The following CTNND2 variants were observed in gnomAD, a reference collection of about 807,000 sequenced individuals.
CTNND2 encodes the protein catenin delta-2.
CTNND2 carries 22 observed loss-of-function variants against 144.4 expected under a neutral mutation model. The observed-to-expected ratio is 0.15, with a 90% CI of 0.11 to 0.22. CTNND2 has a LOEUF of 0.22. Among genes scored for constraint, CTNND2 ranks in the 10% least tolerant of loss-of-function variants. The pLI is 1.00. For synonymous variants in CTNND2, 751 were observed against 695.6 expected, an observed-to-expected ratio of 1.08 and a Z score of -1.25; for missense variants, 1,353 against 1,618.8, an observed-to-expected ratio of 0.84 and a Z score of 2.82.
At chr5:11,760,448 A>C (rs2126803989) in intron 1 of CTNND2, among the ~76,000 whole-genome samples, 1 of 152,312 alleles carries the variant, frequency 6.6e-6, no homozygotes, top group South Asian at 2.1e-4. Flanking sequence ...AACATATGTA[A>C]GACAATGAGA....
intron 2 of CTNND2, among the ~76,000 whole-genome samples, chr5:11,619,255 A>G (rs1445878157): frequency 1.3e-5 from 2 of 152,086 alleles, no homozygotes; most frequent in African/African-American, 2.4e-5. Context: ...TAAAAATACA[A>G]AAAGTAGCCA....
intron 16 of CTNND2, among the ~76,000 whole-genome samples, chr5:11,057,877 G>A (rs1048827320): frequency 6.6e-6 from 1 of 152,192 alleles, no homozygotes; most frequent in Non-Finnish European, 1.5e-5. Context: ...TTGGGAACTA[G>A]AGCAAAGGTA....
intron 9 of CTNND2, among the ~76,000 whole-genome samples, chr5:11,268,117 C>T (rs1013909302): frequency 2.6e-5 from 4 of 152,230 alleles, no homozygotes; most frequent in Admixed American, 6.5e-5. Flanking sequence ...TAGACACCAG[C>T]ATCATTTCTG....
intron 1 of CTNND2, among the ~76,000 whole-genome samples, chr5:11,860,304 G>T (rs1795443061): frequency 6.6e-6 from 1 of 152,160 alleles, no homozygotes; most frequent in Admixed American, 6.5e-5. Flanking sequence ...AATCACATTT[G>T]CTGGACAACT....
intron 2 of CTNND2, among the ~76,000 whole-genome samples, chr5:11,589,728 G>A (rs947257822): frequency 1.2e-4 from 19 of 152,006 alleles, no homozygotes; most frequent in Admixed American, 3.9e-4. Context: ...ACATAAATTC[G>A]GCAAAGTATT....
chr5:11,389,823 A>G (rs1361531744), intron 6 of CTNND2, among the ~76,000 whole-genome samples: 1 of 147,872 alleles, frequency 6.8e-6, no homozygotes, highest in Admixed American at 6.9e-5. Flanking sequence ...AGAAAATTCT[A>G]CACCTGACAC....
chr5:11,104,303 T>C (rs1752201081), intron 14 of CTNND2, among the ~76,000 whole-genome samples: 2 of 152,200 alleles, frequency 1.3e-5, no homozygotes, highest in African/African-American at 4.8e-5. Context: ...TCCCACTCTT[T>C]CCTCTCAGGG....
intron 2 of CTNND2, among the ~76,000 whole-genome samples, chr5:11,625,413 C>CTCTCTCTCTCTCTT (rs1347369328): frequency 6.6e-5 from 10 of 151,916 alleles, no homozygotes; most frequent in African/African-American, 2.4e-4. Flanking sequence ...CTCTCTCTCT[C>CTCTCTCTCTCTCTT]TCTCTCTCTC....
chr5:11,537,150 T>C (rs1437751544), intron 3 of CTNND2, among the ~76,000 whole-genome samples: 1 of 151,976 alleles, frequency 6.6e-6, no homozygotes, highest in East Asian at 2.0e-4. Context: ...CAGAAGATAC[T>C]ATTGACTCTT....
intron 9 of CTNND2, among the ~76,000 whole-genome samples, chr5:11,244,020 T>G (rs923012661): frequency 1.3e-5 from 2 of 152,218 alleles, no homozygotes; most frequent in African/African-American, 4.8e-5. Flanking sequence ...TTTTAAAGAC[T>G]GTACCGATTT....
chr5:11,733,245 G>C (rs1186246122), intron 1 of CTNND2, among the ~76,000 whole-genome samples: 3 of 152,124 alleles, frequency 2.0e-5, no homozygotes, highest in Non-Finnish European at 4.4e-5. Flanking sequence ...ATTGGTATCT[G>C]GGGGGATGAG....
At chr5:11,668,942 A>C (rs1783721696) in intron 2 of CTNND2, among the ~76,000 whole-genome samples, 2 of 152,158 alleles carry the variant, frequency 1.3e-5, no homozygotes, top group South Asian at 4.1e-4. Flanking sequence ...ACGTTCCATC[A>C]ATACCTAGTT....
At chr5:11,118,999 A>G (rs1317452449) in intron 12 of CTNND2, among the ~76,000 whole-genome samples, 2 of 151,970 alleles carry the variant, frequency 1.3e-5, no homozygotes, top group South Asian at 2.1e-4. Context: ...AACCTCCTTT[A>G]CTGATCACCA....
At chr5:11,596,330 T>C (rs1261850158) in intron 2 of CTNND2, among the ~76,000 whole-genome samples, 2 of 152,196 alleles carry the variant, frequency 1.3e-5, no homozygotes, top group Non-Finnish European at 2.9e-5. Context: ...TTATGTAAAG[T>C]GGTGATCATG....
At chr5:11,337,222 G>A (rs1753823226) in intron 9 of CTNND2, among the ~76,000 whole-genome samples, 2 of 152,160 alleles carry the variant, frequency 1.3e-5, no homozygotes, top group African/African-American at 4.8e-5. Flanking sequence ...CAACTGGAGT[G>A]TTTAGATTTC....
intron 7 of CTNND2, among the ~76,000 whole-genome samples, chr5:11,376,074 G>T (rs1757896756): frequency 6.6e-6 from 1 of 151,998 alleles, no homozygotes; most frequent in Non-Finnish European, 1.5e-5. Flanking sequence ...GCAAGAAGGG[G>T]CCATCGATGA....
intron 1 of CTNND2, among the ~76,000 whole-genome samples, chr5:11,756,368 A>G (rs1788937503): frequency 6.6e-6 from 1 of 151,764 alleles, no homozygotes; most frequent in African/African-American, 2.4e-5. Context: ...AGTATTTTAA[A>G]AATACATTTA....
At chr5:11,574,121 C>G (rs1420362887) in intron 2 of CTNND2, among the ~76,000 whole-genome samples, 2 of 152,022 alleles carry the variant, frequency 1.3e-5, no homozygotes, top group Non-Finnish European at 2.9e-5. Flanking sequence ...GTGGAGGCAA[C>G]AGAGCCCAGC....
At chr5:11,196,724 C>T (rs887719458) in intron 11 of CTNND2, among the ~76,000 whole-genome samples, 2 of 152,190 alleles carry the variant, frequency 1.3e-5, no homozygotes, top group Admixed American at 1.3e-4. Flanking sequence ...GTTTGTCAGG[C>T]CTATCGCTTT....
Sources: allele counts gnomAD v4.1 joint callset (sites outside exome capture counted in the v4.1 genomes callset), GRCh38; gene constraint gnomAD v4.1.1; transcripts MANE v1.5; gene names NCBI Gene and HGNC (gene_info 2026-07-23, HGNC 2026-07-21).